The following CAMTA1 variants were observed in gnomAD, a reference collection of about 807,000 sequenced individuals.
CAMTA1 encodes calmodulin binding transcription activator 1, also known as calmodulin-binding transcription activator 1.
A neutral mutation model predicts 170.9 loss-of-function variants in CAMTA1; 27 were observed. The ratio of observed to expected loss-of-function variants is 0.16; its 90% CI spans 0.12 to 0.22. CAMTA1 has a LOEUF of 0.22. CAMTA1 is among the 10% of genes least tolerant of loss of function. CAMTA1 has a pLI of 1.00. For synonymous variants in CAMTA1, 833 were observed against 891.5 expected, an observed-to-expected ratio of 0.93 and a Z score of 1.17; for missense variants, 1,619 against 2,217.2, an observed-to-expected ratio of 0.73 and a Z score of 5.42.
At position 7,146,550 on chromosome 1, in the gene CAMTA1, G is replaced by A. The variant is rs1373037619; in HGVS notation, c.302+55179G>A. Among the ~76,000 whole-genome samples the A allele has an allele frequency of 2.6e-5, 4 of 152,076 alleles. No individual in the cohort carries two copies. The East Asian group carries it at 7.8e-4, about 30-fold the overall frequency. On this transcript the variant is annotated intron_variant, in intron 4 of 22. Transcript: ENST00000303635. This position sits in a 1 kb window ranked among gnomAD's most constrained non-coding sequence, Gnocchi z 4.3. ...GCCCAGCAGGACACTCATCACCATG[G>A]CCTTCCTTGACCCCGGCCACGTCCT... is the stretch of plus-strand genomic sequence containing the variant.
At chr1:7,505,292 G>T (rs1461163785) in intron 6 of CAMTA1, among the ~76,000 whole-genome samples, 1 of 152,246 alleles carries the variant, frequency 6.6e-6, no homozygotes, top group Non-Finnish European at 1.5e-5. Context: ...CGGCAGCCAA[G>T]TCGAGGCTCC....
At chr1:7,211,287 T>C (rs760278576) in intron 4 of CAMTA1, among the ~76,000 whole-genome samples, 5 of 152,238 alleles carry the variant, frequency 3.3e-5, no homozygotes, top group Non-Finnish European at 7.3e-5. Context: ...ATAGTAAGTG[T>C]ACCATCGAAC....
intron 3 of CAMTA1, among the ~76,000 whole-genome samples, chr1:6,844,899 G>C (rs1657433028): frequency 6.6e-6 from 1 of 152,094 alleles, no homozygotes; most frequent in Admixed American, 6.6e-5. Context: ...GTAACTCGTG[G>C]ATATCAGTCA....
In CAMTA1 at chr1:6,887,125, A is replaced by G. The variant is rs146134851; in HGVS notation, c.234+61915A>G. ...TTCTGTTGTATCAATATGTACTTAG[A>G]TATGTTAATCTGAATTAGGGAGTTG... On this transcript the variant is annotated intron_variant, in intron 3 of 22. Coordinates refer to ENST00000303635, the MANE Select transcript of CAMTA1 (RefSeq NM_015215.4). The surrounding 1 kb of genome is among the most constrained non-coding windows in gnomAD (Gnocchi z 4.1). Among the ~76,000 whole-genome samples, 11 of 152,270 alleles carry G rather than the reference A, an allele frequency of 7.2e-5. 1 individual carries two copies. In the East Asian group the frequency reaches 2.1e-3, roughly 29 times the overall value.
At chr1:7,074,105 G>A (rs1020066907) in intron 3 of CAMTA1, among the ~76,000 whole-genome samples, 1 of 152,110 alleles carries the variant, frequency 6.6e-6, no homozygotes, top group African/African-American at 2.4e-5. Context: ...GGTTTTTGAA[G>A]GTAATCTCTG....
At chr1:6,786,946 A>G (rs1024914272) in intron 1 of CAMTA1, among the ~76,000 whole-genome samples, 1 of 152,168 alleles carries the variant, frequency 6.6e-6, no homozygotes, top group African/African-American at 2.4e-5. Flanking sequence ...AACCTTCATC[A>G]GTTGACACTA....
intron 5 of CAMTA1, among the ~76,000 whole-genome samples, chr1:7,259,079 T>G (rs1051707850): frequency 1.6e-4 from 24 of 152,134 alleles, no homozygotes; most frequent in Admixed American, 3.3e-4. Context: ...GCAGCTCTGG[T>G]GAGGCTGCTT....
intron 3 of CAMTA1, among the ~76,000 whole-genome samples, chr1:6,984,042 A>ATGGG (rs1694895753): frequency 2.8e-3 from 1 of 358 alleles, no homozygotes; most frequent in Non-Finnish European, 5.4e-3. Flanking sequence ...GGATTAATGA[A>ATGGG]TGGATAGATG....
rs558156126 is a variant in CAMTA1 at position 7,056,473 on chromosome 1, T to G, written c.235-34831T>G. 1.2e-4 allele frequency among the ~76,000 whole-genome samples: 19 copies of G among 152,282 alleles called. No homozygotes were observed. In the East Asian group the frequency reaches 3.7e-3, roughly 29 times the overall value. On this transcript the variant is annotated intron_variant, in intron 3 of 22. Coordinates refer to ENST00000303635, the MANE Select transcript of CAMTA1 (RefSeq NM_015215.4). ...GAGTAATTTCCTCTCCATCTCTTTT[T>G]ATTTTAAAAAATAAAAAATGTACTC...
rs1705039426 is a variant in CAMTA1 at position 7,044,538 on chromosome 1, A to T, written c.235-46766A>T. ...AGGGCCATAAGCATCTGAGGCTAGG[A>T]AGGCACATGCGTGATTAGCAGATGG... On this transcript the variant is annotated intron_variant, in intron 3 of 22. Transcript: ENST00000303635. The surrounding 1 kb of genome is among the most constrained non-coding windows in gnomAD (Gnocchi z 5.0). 6.6e-6 allele frequency among the ~76,000 whole-genome samples: 1 copy of T among 152,196 alleles called. No homozygotes were observed. Among genetic ancestry groups the T allele is most frequent in the Non-Finnish European group, 1.5e-5 (1 of 68,026 alleles).
chr1:7,637,278 T>G (rs934875886), intron 6 of CAMTA1, among the ~76,000 whole-genome samples: 7 of 152,208 alleles, frequency 4.6e-5, no homozygotes, highest in Admixed American at 4.6e-4. Flanking sequence ...CCCAGGCGTC[T>G]GGCATCTCCG....
intron 6 of CAMTA1, among the ~76,000 whole-genome samples, chr1:7,543,602 A>G (rs989785819): frequency 6.6e-6 from 1 of 152,212 alleles, no homozygotes; most frequent in Non-Finnish European, 1.5e-5. Flanking sequence ...GCATTTCTAC[A>G]TGTGATGTTA....
Position 7,216,658 on chromosome 1 carries a change from G to A in CAMTA1, c.303-32833G>A, listed in dbSNP as rs1659801565. On this transcript the variant is annotated intron_variant, in intron 4 of 22. Transcript: ENST00000303635. The surrounding 1 kb of genome is among the most constrained non-coding windows in gnomAD (Gnocchi z 4.0). ...CCCGAATGGCTGAGACTACAGGCAGGTACCACCACGCCTGGCTAATTTTTG... is the reference window on the plus strand; with the variant it reads ...CCCGAATGGCTGAGACTACAGGCAGATACCACCACGCCTGGCTAATTTTTG... Among the ~76,000 whole-genome samples, 1 of 152,080 alleles carries A rather than the reference G, an allele frequency of 6.6e-6. No homozygotes were observed.
intron 5 of CAMTA1, among the ~76,000 whole-genome samples, chr1:7,345,378 C>T (rs2084152145): frequency 6.6e-6 from 1 of 152,206 alleles, no homozygotes. Flanking sequence ...CTGGATCTAT[C>T]TGGAGTTGAT....
At chr1:7,068,425 G>A (rs6577412) in intron 3 of CAMTA1, among the ~76,000 whole-genome samples, 109,719 of 151,528 alleles carry the variant, frequency 0.72, 40,586 homozygotes, top group African/African-American at 0.88. Flanking sequence ...GTTTAAATTT[G>A]GTGACTACCC....
chr1:6,848,241 G>A (rs1659041441), intron 3 of CAMTA1, among the ~76,000 whole-genome samples: 2 of 152,046 alleles, frequency 1.3e-5, no homozygotes, highest in African/African-American at 4.8e-5. Flanking sequence ...CAACTCCTTG[G>A]CCTCAAACAA....
intron 6 of CAMTA1, among the ~76,000 whole-genome samples, chr1:7,603,217 A>T (rs1192169790): frequency 6.6e-6 from 1 of 152,202 alleles, no homozygotes; most frequent in Non-Finnish European, 1.5e-5. Context: ...TGCAGAGCTG[A>T]GTTCAGTTCC....
At chr1:7,555,256 G>A (rs867436363) in intron 6 of CAMTA1, among the ~76,000 whole-genome samples, 4 of 152,186 alleles carry the variant, frequency 2.6e-5, no homozygotes, top group Admixed American at 6.5e-5. Flanking sequence ...AAAGCTCCGC[G>A]AAAAGGAAGG....
intron 5 of CAMTA1, among the ~76,000 whole-genome samples, chr1:7,355,604 A>T (rs1300070557): frequency 1.3e-5 from 2 of 152,214 alleles, no homozygotes; most frequent in African/African-American, 4.8e-5. Context: ...AGTCTTCCGC[A>T]ATCCATTCTC....
Sources: gnomAD v4.1 joint callset for allele counts (sites outside exome capture counted in the v4.1 genomes callset) on GRCh38, gnomAD v4.1.1 for gene constraint, Gnocchi (gnomAD v3.1) non-coding constraint, MANE v1.5 for transcripts, NCBI Gene and HGNC (gene_info 2026-07-23, HGNC 2026-07-21) for gene names.